SOX6: variants seen among roughly 807,000 people sequenced by gnomAD.
SOX6 encodes the protein transcription factor SOX-6.
SOX6 carries 11 observed loss-of-function variants against 97.8 expected under a neutral mutation model. The observed-to-expected ratio is 0.11, with a 90% CI of 0.07 to 0.19. The LOEUF (loss-of-function observed/expected upper bound fraction) is 0.19. Ranked by LOEUF, SOX6 falls within the 10% of genes least tolerant of loss-of-function variation. The pLI, the probability that SOX6 is intolerant of heterozygous loss-of-function variation, is 1.00. For missense variants in SOX6, 810 were observed against 1,039.5 expected, an observed-to-expected ratio of 0.78 and a Z score of 3.04; for synonymous variants, 360 against 371.4, an observed-to-expected ratio of 0.97 and a Z score of 0.35.
At chr11:16,341,320 T>A in intron 1 of SOX6, 68 bp from the exon 2 acceptor site, 1 of 1,585,444 alleles carries the variant, frequency 6.3e-7, no homozygotes, top group Middle Eastern at 1.7e-4. Flanking sequence ...ATCCTTGCAT[T>A]TGGCTAGTTC....
intron 6 of SOX6, among the ~76,000 whole-genome samples, chr11:16,136,291 T>G (rs904188992): frequency 6.6e-6 from 1 of 151,968 alleles, no homozygotes; most frequent in Non-Finnish European, 1.5e-5. Flanking sequence ...ATCATTAGCA[T>G]TTTTTAGCAA....
At chr11:16,529,624 A>T (rs904306784) in intron 4 of SOX6, among the ~76,000 whole-genome samples, 1 of 152,142 alleles carries the variant, frequency 6.6e-6, no homozygotes, top group African/African-American at 2.4e-5. Flanking sequence ...AGCTATATTT[A>T]CCTATCATGG....
chr11:16,335,283 A>G (rs1401419177), intron 2 of SOX6, among the ~76,000 whole-genome samples: 2 of 152,182 alleles, frequency 1.3e-5, no homozygotes, highest in Non-Finnish European at 2.9e-5. Flanking sequence ...CTTGAACTTT[A>G]CTAAAATTGA....
At chr11:16,366,384 T>C (rs951724528) in intron 1 of SOX6, among the ~76,000 whole-genome samples, 1 of 152,110 alleles carries the variant, frequency 6.6e-6, no homozygotes, top group Non-Finnish European at 1.5e-5. Context: ...TATAGATATG[T>C]TTTTGTACCA....
chr11:15,984,644 A>T (rs1043756121), intron 15 of SOX6, among the ~76,000 whole-genome samples: 7 of 152,236 alleles, frequency 4.6e-5, no homozygotes, highest in Non-Finnish European at 8.8e-5. Flanking sequence ...TTAAAAATGC[A>T]AACATTTATA....
intron 1 of SOX6, among the ~76,000 whole-genome samples, chr11:16,456,784 G>A (rs1050616321): frequency 6.6e-5 from 10 of 152,042 alleles, no homozygotes; most frequent in East Asian, 1.9e-4. Flanking sequence ...TTATTTAACC[G>A]AAGGAGTCCT....
At chr11:16,532,355 C>T (rs555174619) in intron 4 of SOX6, among the ~76,000 whole-genome samples, 1 of 151,962 alleles carries the variant, frequency 6.6e-6, no homozygotes, top group African/African-American at 2.4e-5. Context: ...AGCTAGCTAA[C>T]TGGCTTATAG....
chr11:16,191,829 A>G (rs1851638523), intron 4 of SOX6, among the ~76,000 whole-genome samples: 1 of 151,026 alleles, frequency 6.6e-6, no homozygotes, highest in South Asian at 2.1e-4. Flanking sequence ...AACTCCAAAG[A>G]CAGTGCAGCA....
chr11:16,656,203 G>C (rs547275750), intron 3 of SOX6, among the ~76,000 whole-genome samples: 72 of 152,174 alleles, frequency 4.7e-4, no homozygotes, highest in Middle Eastern at 6.8e-3. Flanking sequence ...TCAGCCTTCA[G>C]AGTAGCTGGG....
At chr11:16,240,275 A>AGTGTGTGTGTGTGTGT (rs4031660) in intron 3 of SOX6, among the ~76,000 whole-genome samples, 8 of 129,152 alleles carry the variant, frequency 6.2e-5, no homozygotes, top group South Asian at 2.8e-4. Context: ...TAGATAATAT[A>AGTGTGTGTGTGTGTGT]GTGTGTGTGT....
chr11:16,681,803 A>G (rs1479305089), intron 3 of SOX6, among the ~76,000 whole-genome samples: 1 of 152,214 alleles, frequency 6.6e-6, no homozygotes, highest in Non-Finnish European at 1.5e-5. Context: ...CCACAGAAAT[A>G]CAAACTACCA....
chr11:16,065,717 T>C (rs940088235), intron 9 of SOX6, among the ~76,000 whole-genome samples: 3 of 152,138 alleles, frequency 2.0e-5, no homozygotes, highest in Non-Finnish European at 4.4e-5. Flanking sequence ...TGCAGAAGAA[T>C]GAAACTAGAC....
At chr11:16,146,548 C>T (rs1427835633) in intron 6 of SOX6, among the ~76,000 whole-genome samples, 16 of 152,148 alleles carry the variant, frequency 1.1e-4, no homozygotes, top group African/African-American at 3.6e-4. Flanking sequence ...AAGAAACTAT[C>T]ATCAGAGTGA....
chr11:16,635,327 G>A (rs951382594), intron 3 of SOX6, among the ~76,000 whole-genome samples: 17 of 152,250 alleles, frequency 1.1e-4, no homozygotes, highest in African/African-American at 3.9e-4. Context: ...AGTCCAGGCT[G>A]AGGTGGCCTC....
intron 1 of SOX6, among the ~76,000 whole-genome samples, chr11:16,401,774 C>T (rs1858566039): frequency 1.3e-5 from 2 of 151,306 alleles, no homozygotes; most frequent in African/African-American, 4.8e-5. Flanking sequence ...GGGTGGTTGG[C>T]TAGAACAAGA....
chr11:16,032,807 C>A (rs567065751), intron 12 of SOX6, among the ~76,000 whole-genome samples: 2 of 152,250 alleles, frequency 1.3e-5, no homozygotes, highest in East Asian at 3.9e-4. Flanking sequence ...CAGACACATG[C>A]CCCAACCATA....
intron 3 of SOX6, among the ~76,000 whole-genome samples, chr11:16,646,665 C>T (rs1393209048): frequency 6.6e-6 from 1 of 152,110 alleles, no homozygotes; most frequent in Admixed American, 6.6e-5. Flanking sequence ...TTGTATAATT[C>T]TTATGCCTTT....
At chr11:16,153,985 T>C (rs1197919625) in intron 6 of SOX6, among the ~76,000 whole-genome samples, 1 of 152,152 alleles carries the variant, frequency 6.6e-6, no homozygotes, top group Non-Finnish European at 1.5e-5. Flanking sequence ...TGGCTTTGGG[T>C]AATGCTGCCT....
chr11:16,459,123 C>G (rs1269887953), intron 1 of SOX6, among the ~76,000 whole-genome samples: 1 of 151,850 alleles, frequency 6.6e-6, no homozygotes, highest in Non-Finnish European at 1.5e-5. Context: ...TCATCCAAGG[C>G]CAGGAATAGG....
Sources: gnomAD v4.1 joint callset for allele counts (sites outside exome capture counted in the v4.1 genomes callset) on GRCh38, gnomAD v4.1.1 for gene constraint, MANE v1.5 for transcripts, NCBI Gene and HGNC (gene_info 2026-07-23, HGNC 2026-07-21) for gene names.